The following ASCC3 variants were observed in gnomAD, a reference collection of about 807,000 sequenced individuals.
ASCC3 encodes ASC-1 complex subunit P200.
A neutral mutation model predicts 256.3 loss-of-function variants in ASCC3; 158 were observed. That is an observed-to-expected ratio of 0.62 (90% CI 0.54 to 0.70). ASCC3 has a LOEUF of 0.70. Ranked by LOEUF, ASCC3 falls within the 30% of genes least tolerant of loss-of-function variation. ASCC3 has a pLI of 0.00. For synonymous variants in ASCC3, 948 were observed against 883.4 expected, an observed-to-expected ratio of 1.07 and a Z score of -1.30; for missense variants, 2,259 against 2,626.0, an observed-to-expected ratio of 0.86 and a Z score of 3.05.
chr6:100,858,977 C>T, intron 3 of ASCC3: 1 of 666,012 alleles, frequency 1.5e-6, no homozygotes, highest in Non-Finnish European at 2.7e-6. Flanking sequence ...GACATTATGA[C>T]ATTCTCCATT....
At chr6:100,512,115 G>A (rs1338522878) in intron 40 of ASCC3, among the ~76,000 whole-genome samples, 1 of 152,120 alleles carries the variant, frequency 6.6e-6, no homozygotes, top group Non-Finnish European at 1.5e-5. Context: ...GTACATTTTT[G>A]CCTGTATGAA....
At chr6:100,824,941 T>C (rs1026327484) in intron 4 of ASCC3, among the ~76,000 whole-genome samples, 1 of 152,024 alleles carries the variant, frequency 6.6e-6, no homozygotes, top group Non-Finnish European at 1.5e-5. Flanking sequence ...GAATAAAAAA[T>C]ACAATAAAGG....
intron 1 of ASCC3, among the ~76,000 whole-genome samples, chr6:100,872,423 G>A (rs1261348078): frequency 1.5e-5 from 2 of 132,206 alleles, no homozygotes; most frequent in African/African-American, 5.7e-5. Flanking sequence ...TACAGTAACT[G>A]AAAACTTTAA....
rs147006643 is a variant in ASCC3 at position 100,765,619 on chromosome 6, C to T, written c.1737+946G>A. ...CTTACATGTATTGATAGATGTCTCA[C>T]GTTTCCCTAAAATGTATAAAGCCAA... On this transcript the variant is annotated intron_variant, in intron 10 of 41. Transcript: ENST00000369162. Among the ~76,000 whole-genome samples, 634 of 152,250 alleles carry T rather than the reference C, an allele frequency of 4.2e-3. 7 individuals are homozygous for T. Among genetic ancestry groups the T allele is most frequent in the African/African-American group, 0.015 (612 of 41,548 alleles).
At chr6:100,862,395 C>T (rs1230772014) in intron 3 of ASCC3, among the ~76,000 whole-genome samples, 2 of 151,994 alleles carry the variant, frequency 1.3e-5, no homozygotes, top group East Asian at 3.9e-4. Context: ...TACTGGGTTA[C>T]AGACCAATGA....
chr6:100,736,705 C>T lies in ASCC3; in HGVS notation c.1738-11002G>A, dbSNP rs1482504211. ...CAGCCCTTGGCCTAATGAGATGATA[C>T]TTCCTGTGTCCAGATATCATTTCCC... On this transcript the variant is annotated intron_variant, in intron 10 of 41. Transcript: ENST00000369162. Among the ~76,000 whole-genome samples the T allele has an allele frequency of 3.3e-5, 5 of 152,294 alleles. No individual in the cohort carries two copies. The East Asian group carries it at 7.7e-4, about 24-fold the overall frequency.
intron 10 of ASCC3, among the ~76,000 whole-genome samples, chr6:100,755,024 C>G (rs569942501): frequency 1.3e-5 from 2 of 151,806 alleles, no homozygotes; most frequent in Admixed American, 6.6e-5. Flanking sequence ...TATAAATTAC[C>G]CAGTCTCGGG....
At chr6:100,665,261 G>C (rs563455122) in intron 14 of ASCC3, among the ~76,000 whole-genome samples, 1 of 152,248 alleles carries the variant, frequency 6.6e-6, no homozygotes, top group Non-Finnish European at 1.5e-5. Flanking sequence ...GGAACTAGGA[G>C]GAGGTAGGAG....
intron 14 of ASCC3, among the ~76,000 whole-genome samples, chr6:100,665,450 C>T (rs1361832350): frequency 6.6e-6 from 1 of 151,934 alleles, no homozygotes; most frequent in Non-Finnish European, 1.5e-5. Context: ...TCTGGCCGGG[C>T]ACAGTGGGTC....
chr6:100,841,214 ATAG>A (rs1562336033), intron 4 of ASCC3, among the ~76,000 whole-genome samples: 1 of 152,204 alleles, frequency 6.6e-6, no homozygotes, highest in African/African-American at 2.4e-5. Flanking sequence ...AGCAAAGGAG[ATAG>A]TAGTAAGGAA....
chr6:100,768,299 G>T (rs1262297936), intron 8 of ASCC3, among the ~76,000 whole-genome samples: 1 of 151,894 alleles, frequency 6.6e-6, no homozygotes, highest in Non-Finnish European at 1.5e-5. Context: ...TAATCAAAAA[G>T]AAACTAAGAC....
Position 100,655,794 on chromosome 6 carries a change from C to T in ASCC3, c.2728G>A (p.Val910Met), listed in dbSNP as rs1248636320. Residue 910 changes from valine to methionine, a missense_variant, in exon 17 of 42, where the codon GTG (valine) becomes ATG (methionine). Val to Met is a conservative substitution (Grantham distance 21, BLOSUM62 1). This residue lies in a region of ASCC3 where 1,839 missense variants were observed against 2,206.7 expected (regional missense o/e 0.83). Transcript: ENST00000369162. ...CTTATCCACTTCACTGCTTCTTCCA[C>T]ATTAGTAACTGTTCCCAGAGCAATC... is the stretch of plus-strand genomic sequence containing the variant. ...AEIALGTVTN[V>M]EEAVKWISYT... The T allele has an allele frequency of 6.2e-7, 1 of 1,611,562 alleles. No homozygotes were observed. The highest frequency in any genetic ancestry group is 8.5e-7 in the Non-Finnish European group (1 of 1,178,956).
At chr6:100,733,483 T>C (rs1209704986) in intron 10 of ASCC3, among the ~76,000 whole-genome samples, 1 of 152,140 alleles carries the variant, frequency 6.6e-6, no homozygotes, top group African/African-American at 2.4e-5. Context: ...AACAAACCCC[T>C]GCACTGGCTC....
chr6:100,713,095 A>G (rs764692433), intron 13 of ASCC3, among the ~76,000 whole-genome samples: 1 of 152,080 alleles, frequency 6.6e-6, no homozygotes, highest in Non-Finnish European at 1.5e-5. Context: ...ACGAGTTGAT[A>G]ACTTACGTCC....
intron 3 of ASCC3, chr6:100,859,207 GAAAAA>G (rs768370906): frequency 2.6e-6 from 2 of 779,698 alleles, no homozygotes; most frequent in Non-Finnish European, 4.8e-6. Flanking sequence ...TCACTTCTAG[GAAAAA>G]GTAGCCCAAA....
chr6:100,750,231 G>C (rs191284712), intron 10 of ASCC3, among the ~76,000 whole-genome samples: 24 of 152,124 alleles, frequency 1.6e-4, no homozygotes, highest in African/African-American at 5.5e-4. Context: ...CATCACAAGT[G>C]AAACTTGAAC....
chr6:100,704,133 T>C (rs6938440), intron 13 of ASCC3, among the ~76,000 whole-genome samples: 68,687 of 151,432 alleles, frequency 0.45, 15,802 homozygotes, highest in South Asian at 0.6. Flanking sequence ...TTTTTAAAAG[T>C]AGACGTTTAG....
chr6:100,714,997 G>T (rs1025531397), intron 13 of ASCC3: 1 of 153,204 alleles, frequency 6.5e-6, no homozygotes, highest in African/African-American at 2.4e-5. Context: ...ACATAATAAA[G>T]TTATTCAAAG....
At chr6:100,788,474 G>A (rs1226892264) in intron 8 of ASCC3, among the ~76,000 whole-genome samples, 2 of 151,716 alleles carry the variant, frequency 1.3e-5, no homozygotes, top group Non-Finnish European at 2.9e-5. Context: ...ATTTACCCTA[G>A]GAAAACAAAA....
Sources: allele counts gnomAD v4.1 joint callset (sites outside exome capture counted in the v4.1 genomes callset), GRCh38; gene constraint gnomAD v4.1.1; regional missense constraint gnomAD v4.1.1; transcripts MANE v1.5; gene names NCBI Gene and HGNC (gene_info 2026-07-23, HGNC 2026-07-21).